The following ERGIC1 variants were observed in gnomAD, a reference collection of about 807,000 sequenced individuals.
The protein encoded by ERGIC1 is endoplasmic reticulum-golgi intermediate compartment 1.
Under a neutral mutation model 38.3 loss-of-function variants are expected in ERGIC1, and 19 were observed. The ratio of observed to expected loss-of-function variants is 0.50; its 90% CI spans 0.35 to 0.73. The LOEUF (loss-of-function observed/expected upper bound fraction) is 0.73. ERGIC1 is among the 30% of genes least tolerant of loss of function. The pLI, the probability that ERGIC1 is intolerant of heterozygous loss-of-function variation, is 0.01. For synonymous variants in ERGIC1, 124 were observed against 157.6 expected (o/e 0.79, Z 1.60); for missense variants, 294 against 389.2 (o/e 0.76, Z 2.06).
chr5:172,912,023 T>C (rs897280813), intron 4 of ERGIC1, among the ~76,000 whole-genome samples: 20 of 151,992 alleles, frequency 1.3e-4, no homozygotes, highest in Non-Finnish European at 2.1e-4. Context: ...TTGTTGTTTT[T>C]TCTTTTTACA....
chr5:172,907,078 C>T (rs111282929), intron 3 of ERGIC1, among the ~76,000 whole-genome samples: 4 of 152,186 alleles, frequency 2.6e-5, no homozygotes, highest in Non-Finnish European at 4.4e-5. Context: ...CAGCAAGTCC[C>T]GCCTGCTCTA....
At chr5:172,933,330 T>C (rs1261315237) in intron 8 of ERGIC1, 1 of 152,208 alleles carries the variant, frequency 6.6e-6, no homozygotes, top group African/African-American at 2.4e-5. Flanking sequence ...TGTCACTCAT[T>C]GAGTACTTCC....
In ERGIC1 at chr5:172,942,997, T is replaced by G. The variant is rs138229021; in HGVS notation, c.765+7687T>G. On this transcript the variant is annotated intron_variant, in intron 9 of 9. Coordinates refer to ENST00000393784, the MANE Select transcript of ERGIC1 (RefSeq NM_001031711.3). ...TCTTCCGGCTGGGAATGAGGGCAGG[T>G]GGGCTAACAGAAAAAGCAGGCCCTT... 4.9e-3 allele frequency among the ~76,000 whole-genome samples: 742 copies of G among 152,266 alleles called. 7 individuals carry two copies. Among genetic ancestry groups the G allele is most frequent in the South Asian group, 0.01 (50 of 4,832 alleles).
intron 6 of ERGIC1, among the ~76,000 whole-genome samples, chr5:172,924,621 G>A (rs1031057454): frequency 2.6e-5 from 4 of 152,186 alleles, no homozygotes; most frequent in African/African-American, 9.7e-5. Context: ...TAGGCAGGGA[G>A]GTGAGGGAAG....
At chr5:172,849,418 G>T (rs1223727950) in intron 1 of ERGIC1, among the ~76,000 whole-genome samples, 3 of 152,106 alleles carry the variant, frequency 2.0e-5, no homozygotes, top group Non-Finnish European at 4.4e-5. Flanking sequence ...CCTGAATAAG[G>T]GTTCCCCCAT....
chr5:172,896,755 C>T (rs536718948), intron 2 of ERGIC1, among the ~76,000 whole-genome samples: 3 of 152,356 alleles, frequency 2.0e-5, no homozygotes, highest in East Asian at 1.9e-4. Flanking sequence ...TGGAAGGAAG[C>T]GGGGCCAGCC....
At chr5:172,920,385 G>A (rs1763479820) in intron 5 of ERGIC1, 4 of 717,988 alleles carry the variant, frequency 5.6e-6, no homozygotes, top group Non-Finnish European at 7.8e-6. Context: ...GCAGCCAGAT[G>A]TCAGAGTTTG....
intron 1 of ERGIC1, among the ~76,000 whole-genome samples, chr5:172,845,091 G>A (rs1012890067): frequency 6.6e-6 from 1 of 152,104 alleles, no homozygotes; most frequent in African/African-American, 2.4e-5. Context: ...AGGTGATGCC[G>A]CTAAGTCCCA....
At chr5:172,842,669 C>T (rs115318805) in intron 1 of ERGIC1, among the ~76,000 whole-genome samples, 1,636 of 152,310 alleles carry the variant, frequency 0.011, 17 homozygotes, top group Non-Finnish European at 0.017. Flanking sequence ...CCACATCTTG[C>T]CAACATGTCT....
chr5:172,883,637 G>C (rs1010781144), intron 1 of ERGIC1, among the ~76,000 whole-genome samples: 2 of 152,208 alleles, frequency 1.3e-5, no homozygotes, highest in African/African-American at 4.8e-5. Context: ...AGGAGGCACA[G>C]GGTGCCGATG....
intron 4 of ERGIC1, among the ~76,000 whole-genome samples, chr5:172,911,502 G>C (rs972127041): frequency 6.6e-6 from 1 of 152,074 alleles, no homozygotes; most frequent in Non-Finnish European, 1.5e-5. Flanking sequence ...GCTATAACCT[G>C]AACCCCCAAC....
intron 1 of ERGIC1, among the ~76,000 whole-genome samples, chr5:172,848,491 G>A (rs145792935): frequency 6.6e-4 from 100 of 152,252 alleles, no homozygotes; most frequent in Non-Finnish European, 1.1e-3. Context: ...CCCCTTTTCT[G>A]GCCGCACCTT....
chr5:172,867,737 A>G (rs1227610060), intron 1 of ERGIC1: 2 of 213,534 alleles, frequency 9.4e-6, no homozygotes, highest in Middle Eastern at 4.9e-4. Flanking sequence ...AAATATACCC[A>G]CCATTTCCCT....
chr5:172,838,075 T>C (rs1761076953), intron 1 of ERGIC1, among the ~76,000 whole-genome samples: 11 of 152,192 alleles, frequency 7.2e-5, no homozygotes, highest in Admixed American at 7.2e-4. Flanking sequence ...CCAGATGTGC[T>C]CTGGGACCAT....
chr5:172,873,065 G>A (rs1762057093), intron 1 of ERGIC1, among the ~76,000 whole-genome samples: 1 of 152,244 alleles, frequency 6.6e-6, no homozygotes, highest in Admixed American at 6.5e-5. Flanking sequence ...CCACGGGCAT[G>A]AGAATCCAGT....
intron 1 of ERGIC1, among the ~76,000 whole-genome samples, chr5:172,870,768 G>A (rs1220483319): frequency 2.6e-5 from 4 of 152,100 alleles, no homozygotes; most frequent in African/African-American, 4.8e-5. Context: ...CTTCCTCCCC[G>A]CCTGCCTGCC....
intron 1 of ERGIC1, among the ~76,000 whole-genome samples, chr5:172,842,872 G>T (rs1285939393): frequency 6.6e-6 from 1 of 152,194 alleles, no homozygotes; most frequent in Non-Finnish European, 1.5e-5. Flanking sequence ...GGCCAGGCAT[G>T]GTGACTCACA....
intron 3 of ERGIC1, 49 bp from the exon 4 acceptor site, chr5:172,909,618 A>G (rs746863801): frequency 3.2e-6 from 5 of 1,565,728 alleles, no homozygotes; most frequent in Non-Finnish European, 8.8e-7. Context: ...CGCAGCTGAG[A>G]TCTTTGCCGC....
intron 1 of ERGIC1, among the ~76,000 whole-genome samples, chr5:172,857,681 A>T (rs1009083372): frequency 1.0e-4 from 15 of 146,260 alleles, no homozygotes; most frequent in African/African-American, 3.8e-4. Context: ...TGGTCATGGA[A>T]CCCCTCCTCC....
Sources: gnomAD v4.1 joint callset for allele counts (sites outside exome capture counted in the v4.1 genomes callset) on GRCh38, gnomAD v4.1.1 for gene constraint, MANE v1.5 for transcripts, NCBI Gene and HGNC (gene_info 2026-07-23, HGNC 2026-07-21) for gene names.